ROBO1: variants seen among roughly 807,000 people sequenced by gnomAD.
The protein encoded by ROBO1 is roundabout guidance receptor 1.
A neutral mutation model predicts 195.9 loss-of-function variants in ROBO1; 149 were observed. That is an observed-to-expected ratio of 0.76 (90% confidence interval 0.67 to 0.87). The LOEUF (loss-of-function observed/expected upper bound fraction) is 0.87, where lower values mean the gene tolerates loss of function less well. Among genes scored for constraint, ROBO1 ranks in the 40% least tolerant of loss-of-function variants. The pLI is 0.00. For synonymous variants in ROBO1, 816 were observed against 733.2 expected (o/e 1.11, Z -1.82); for missense variants, 1,933 against 2,068.3 (o/e 0.93, Z 1.27).
At chr3:79,590,219 A>G (rs567010526) in intron 1 of ROBO1, among the ~76,000 whole-genome samples, 17 of 151,814 alleles carry the variant, frequency 1.1e-4, no homozygotes, top group Admixed American at 5.9e-4. Context: ...GGTTTTCTCT[A>G]TTTTTTAGAG....
intron 2 of ROBO1, among the ~76,000 whole-genome samples, chr3:79,273,856 A>C (rs555136195): frequency 1.8e-4 from 28 of 152,196 alleles, no homozygotes; most frequent in African/African-American, 5.8e-4. Context: ...CAGACAAAAC[A>C]GATTTAAAAA....
chr3:79,753,055 A>T (rs767709482), intron 1 of ROBO1, among the ~76,000 whole-genome samples: 4 of 152,178 alleles, frequency 2.6e-5, no homozygotes, highest in Non-Finnish European at 5.9e-5. Flanking sequence ...ATGAAGAGGC[A>T]TAGTAAAGCC....
intron 2 of ROBO1, among the ~76,000 whole-genome samples, chr3:79,386,560 T>C (rs1341810876): frequency 6.6e-6 from 1 of 152,118 alleles, no homozygotes; most frequent in African/African-American, 2.4e-5. Context: ...TGAGGGATGC[T>C]TGTTGTTCTC....
At chr3:78,813,517 A>C (rs889257766) in intron 4 of ROBO1, among the ~76,000 whole-genome samples, 1 of 152,132 alleles carries the variant, frequency 6.6e-6, no homozygotes, top group Non-Finnish European at 1.5e-5. Flanking sequence ...TGAAACATTA[A>C]TATCCTTACT....
chr3:78,682,634 T>C (rs2080949642), intron 10 of ROBO1, among the ~76,000 whole-genome samples: 1 of 147,570 alleles, frequency 6.8e-6, no homozygotes, highest in African/African-American at 2.5e-5. Context: ...TGATATATAA[T>C]AAATATTTTT....
intron 2 of ROBO1, among the ~76,000 whole-genome samples, chr3:79,176,458 T>C (rs1157960712): frequency 6.6e-6 from 1 of 152,146 alleles, no homozygotes; most frequent in East Asian, 1.9e-4. Flanking sequence ...CTGAAGATTA[T>C]TATTACTATT....
rs560619161 is a variant in ROBO1, at chr3:78,899,839, G to A, written c.499+38762C>T. Among the ~76,000 whole-genome samples, 3 of 152,148 alleles carry A rather than the reference G, an allele frequency of 2.0e-5. No individual in the cohort carries two copies. The East Asian group carries it at 5.8e-4, about 29-fold the overall frequency. On this transcript the variant is annotated intron_variant, in intron 4 of 30. Coordinates refer to ENST00000464233, the MANE Select transcript of ROBO1 (RefSeq NM_002941.4). ...CATCCTGTCAAATAAAGGCAACTTCGAAGATTTCATTGATGTGATAGGTTA... is the reference window on the plus strand; with the variant it reads ...CATCCTGTCAAATAAAGGCAACTTCAAAGATTTCATTGATGTGATAGGTTA...
At position 78,973,568 on chromosome 3, in the gene ROBO1, T is replaced by C. The variant is rs934073193; in HGVS notation, c.173-34641A>G. Among the ~76,000 whole-genome samples, 36 of 118,558 alleles carry C rather than the reference T, an allele frequency of 3.0e-4. No homozygotes were observed. In the East Asian group the frequency reaches 7.5e-3, roughly 25 times the overall value. 77.8% of individuals were successfully genotyped at this position (118,558 alleles called of 152,430 possible). On this transcript the variant is annotated intron_variant, in intron 3 of 30. Transcript: ENST00000464233. ...GAATATATATAAGAAGCTATACATA[T>C]ATGAAGCTATATATATATATATATA...
At chr3:79,713,880 G>A (rs1348553048) in intron 1 of ROBO1, among the ~76,000 whole-genome samples, 1 of 152,028 alleles carries the variant, frequency 6.6e-6, no homozygotes, top group Non-Finnish European at 1.5e-5. Context: ...TTTTTGTCAG[G>A]TTTGTCAGAG....
intron 2 of ROBO1, among the ~76,000 whole-genome samples, chr3:79,482,711 C>T (rs1035921558): frequency 3.3e-5 from 5 of 151,980 alleles, no homozygotes; most frequent in Non-Finnish European, 7.4e-5. Context: ...AAAATAAGTG[C>T]AAAATAAATG....
At chr3:78,638,220 T>C (rs551321021) in intron 22 of ROBO1, among the ~76,000 whole-genome samples, 199 of 133,852 alleles carry the variant, frequency 1.5e-3, no homozygotes, top group African/African-American at 5.3e-3. Flanking sequence ...TATATACACT[T>C]ATATACATAT....
chr3:79,352,132 G>A (rs939185695), intron 2 of ROBO1, among the ~76,000 whole-genome samples: 2 of 152,102 alleles, frequency 1.3e-5, no homozygotes, highest in African/African-American at 4.8e-5. Flanking sequence ...ACTAGAAATT[G>A]AAGTATCCCA....
chr3:79,356,376 CA>C (rs530828054), intron 2 of ROBO1, among the ~76,000 whole-genome samples: 183 of 152,250 alleles, frequency 1.2e-3, no homozygotes, highest in African/African-American at 4.3e-3. Flanking sequence ...TTTATTTTAA[CA>C]GAGATGATAC....
At chr3:79,043,845 A>T (rs572333524) in intron 3 of ROBO1, among the ~76,000 whole-genome samples, 1 of 152,244 alleles carries the variant, frequency 6.6e-6, no homozygotes, top group East Asian at 1.9e-4. Context: ...TTTGCTCTCT[A>T]TGTCTAATGG....
At chr3:78,895,257 T>C (rs756642109) in intron 4 of ROBO1, among the ~76,000 whole-genome samples, 2 of 152,116 alleles carry the variant, frequency 1.3e-5, no homozygotes, top group Non-Finnish European at 2.9e-5. Context: ...AAATGTATTA[T>C]TTTGGTCAAA....
At chr3:78,640,210 T>C (rs981913590) in intron 21 of ROBO1, among the ~76,000 whole-genome samples, 1 of 152,172 alleles carries the variant, frequency 6.6e-6, no homozygotes, top group South Asian at 2.1e-4. Flanking sequence ...AATATGAACA[T>C]ATTTTTGAGT....
intron 3 of ROBO1, among the ~76,000 whole-genome samples, chr3:78,972,131 A>G (rs2076782983): frequency 6.6e-6 from 1 of 152,222 alleles, no homozygotes; most frequent in African/African-American, 2.4e-5. Flanking sequence ...ATAACAAGGA[A>G]CATAGCCATT....
chr3:79,242,053 C>T (rs1322423885), intron 2 of ROBO1, among the ~76,000 whole-genome samples: 5 of 150,650 alleles, frequency 3.3e-5, no homozygotes, highest in Admixed American at 6.6e-5. Flanking sequence ...GTAATGAAAA[C>T]CTTGTATCGT....
At chr3:79,568,173 T>C (rs544402457) in intron 2 of ROBO1, among the ~76,000 whole-genome samples, 1 of 152,098 alleles carries the variant, frequency 6.6e-6, no homozygotes, top group Non-Finnish European at 1.5e-5. Flanking sequence ...AAATCTGCAG[T>C]TAACAACAAC....
Sources: allele counts gnomAD v4.1 joint callset (sites outside exome capture counted in the v4.1 genomes callset), GRCh38; gene constraint gnomAD v4.1.1; transcripts MANE v1.5; gene names NCBI Gene and HGNC (gene_info 2026-07-23, HGNC 2026-07-21).